The following GPATCH2L variants were observed in gnomAD, a reference collection of about 807,000 sequenced individuals.
GPATCH2L encodes G patch domain-containing protein 2-like.
In GPATCH2L, 31 loss-of-function variants were observed where a neutral mutation model predicts 57.4. The observed-to-expected ratio is 0.54, with a 90% CI of 0.41 to 0.73. The LOEUF is 0.73. Ranked by LOEUF, GPATCH2L falls within the 30% of genes least tolerant of loss-of-function variation. The probability of loss-of-function intolerance (pLI) is 0.00; values close to 1 mark genes in which losing one functional copy is unlikely to be tolerated. For missense variants in GPATCH2L, 481 were observed against 599.9 expected (o/e 0.80, Z 2.07); for synonymous variants, 199 against 210.7 (o/e 0.94, Z 0.48).
chr14:76,177,401 G>C (rs531583812), intron 6 of GPATCH2L, among the ~76,000 whole-genome samples: 2 of 152,082 alleles, frequency 1.3e-5, no homozygotes, highest in South Asian at 4.2e-4. Flanking sequence ...AAGCCTGTAT[G>C]TAGCTACAGG....
intron 8 of GPATCH2L, among the ~76,000 whole-genome samples, chr14:76,186,684 A>G (rs1315086173): frequency 6.6e-6 from 1 of 152,144 alleles, no homozygotes; most frequent in African/African-American, 2.4e-5. Flanking sequence ...TTTGTCCTCT[A>G]TTGGAGGGTC....
chr14:76,205,850 G>T lies in GPATCH2L; in HGVS notation c.*3999G>T. 6.6e-6 allele frequency: 1 copy of T among 152,448 alleles called. No individual in the cohort carries two copies. Among genetic ancestry groups the T allele is most frequent in the African/African-American group, 2.4e-5 (1 of 41,580 alleles). 9.4% of individuals were successfully genotyped at this position (152,448 alleles called of 1,614,324 possible). ...TGATTTCAGGTCTTTGTTTCATTTT[G>T]GCTTCATTACTGTGATTCTGAGCCA... On this transcript the variant is annotated 3_prime_UTR_variant, in exon 10 of 10. Coordinates refer to ENST00000261530, the MANE Select transcript of GPATCH2L (RefSeq NM_017926.4).
At chr14:76,216,806 A>G (rs2040491841), downstream of GPATCH2L, among the ~76,000 whole-genome samples, 1 of 152,166 alleles carries the variant, frequency 6.6e-6, no homozygotes, top group Non-Finnish European at 1.5e-5. Context: ...CACAACTCTG[A>G]AAGTGTGGTA....
At position 76,171,978 on chromosome 14, in the gene GPATCH2L, C is replaced by G; in HGVS notation, c.863C>G (p.Ser288Ter). The G allele has an allele frequency of 6.2e-7, 1 of 1,612,750 alleles. No homozygotes were observed. The highest frequency in any genetic ancestry group is 1.3e-5 in the African/African-American group (1 of 74,972). The change falls in exon 4 of 10, where the codon TCA becomes TGA. Residue 288 changes from serine (S) to a stop codon, truncating the protein, a stop_gained. Coordinates refer to ENST00000261530, the MANE Select transcript of GPATCH2L (RefSeq NM_017926.4). LOFTEE classifies it high-confidence loss of function. ...ERMDSGLDKF[S>*]DSTFLLPSRP... The stretch of plus-strand genomic sequence containing the variant: ...ATGGATTCTGGATTGGATAAATTTT[C>G]AGATTCCACATTCCTTTTACCTTCT...
chr14:76,218,790 A>G (rs76314764), downstream of GPATCH2L, among the ~76,000 whole-genome samples: 3,366 of 152,134 alleles, frequency 0.022, 76 homozygotes, highest in South Asian at 0.078. Context: ...AGAACAGTTC[A>G]AAAATAGATC....
At chr14:76,187,440 T>G (rs892772942) in intron 8 of GPATCH2L, among the ~76,000 whole-genome samples, 1 of 152,132 alleles carries the variant, frequency 6.6e-6, no homozygotes, top group African/African-American at 2.4e-5. Context: ...GTGAATAGAT[T>G]AGTAATTAAG....
At chr14:76,227,583 T>C (rs1485408087) in intron 1 of GPATCH2L, among the ~76,000 whole-genome samples, 1 of 152,226 alleles carries the variant, frequency 6.6e-6, no homozygotes, top group Non-Finnish European at 1.5e-5. Context: ...TTGCAGGTCA[T>C]TTGTGAATTG....
intron 2 of GPATCH2L, among the ~76,000 whole-genome samples, chr14:76,165,864 A>G (rs1424798416): frequency 6.6e-6 from 1 of 152,236 alleles, no homozygotes; most frequent in Middle Eastern, 3.2e-3. Context: ...TGCATCTTCT[A>G]GAGTAGGTGA....
chr14:76,223,273 T>C (rs959205968), intron 1 of GPATCH2L, among the ~76,000 whole-genome samples: 4 of 152,184 alleles, frequency 2.6e-5, no homozygotes, highest in Non-Finnish European at 4.4e-5. Flanking sequence ...CAGTGAATTA[T>C]TTATTTTAGG....
At chr14:76,172,787 C>T (rs767764793) in intron 4 of GPATCH2L, among the ~76,000 whole-genome samples, 1 of 152,192 alleles carries the variant, frequency 6.6e-6, no homozygotes, top group Non-Finnish European at 1.5e-5. Context: ...ATCAGAATCA[C>T]ACTACGAGAT....
At chr14:76,191,304 A>G (rs1416485469) in intron 8 of GPATCH2L, among the ~76,000 whole-genome samples, 1 of 152,124 alleles carries the variant, frequency 6.6e-6, no homozygotes. Context: ...GGAAGTGGTC[A>G]ACCTCCTTAT....
At chr14:76,227,063 G>A (rs2040539129) in intron 1 of GPATCH2L, among the ~76,000 whole-genome samples, 1 of 152,206 alleles carries the variant, frequency 6.6e-6, no homozygotes, top group East Asian at 1.9e-4. Flanking sequence ...GCCTCAGCAG[G>A]AAGTATTGCA....
chr14:76,171,729 G>GA (rs60245346), intron 3 of GPATCH2L, 114 bp from the exon 4 acceptor site: 34,813 of 553,232 alleles, frequency 0.063, 4 homozygotes, highest in Middle Eastern at 0.076. Context: ...TCTCAAAAAG[G>GA]AAAAAAAAAA....
Position 76,173,606 on chromosome 14 carries a change from G to T in GPATCH2L, c.965G>T (p.Arg322Leu). 1.2e-6 allele frequency: 2 copies of T among 1,609,554 alleles called. No homozygotes were observed. The highest frequency in any genetic ancestry group is 1.7e-6 in the Non-Finnish European group (2 of 1,175,844). ...GCAGCTCGATGCCTCAGAAAGGGGC[G>T]AAGAAGGCTGGTTGGGAAGGTGATA... ...GAAARCLRKG[R>L]RRLVGKETSI... The change falls in exon 5 of 10, where the codon CGA becomes CTA. Residue 322 changes from arginine to leucine, a missense_variant. Physicochemically the swap from Arg to Leu is moderately radical, Grantham distance 102 (BLOSUM62 -2). This residue lies in a region of GPATCH2L where 248 missense variants were observed against 270.5 expected (regional missense o/e 0.92). Transcript: ENST00000261530.
chr14:76,175,834 C>G (rs1010660658), intron 5 of GPATCH2L: 2 of 152,142 alleles, frequency 1.3e-5, no homozygotes, highest in Non-Finnish European at 2.9e-5. Context: ...CATTCACGCC[C>G]GTGACTTGTG....
intron 3 of GPATCH2L, 131 bp downstream of exon 3, chr14:76,166,858 G>T (rs2038865620): frequency 1.4e-6 from 1 of 693,974 alleles, no homozygotes; most frequent in East Asian, 2.9e-5. Flanking sequence ...GCATATGAGA[G>T]TCACCTAGGG....
chr14:76,228,935 T>C (rs1030071755), intron 1 of GPATCH2L, among the ~76,000 whole-genome samples: 7 of 152,212 alleles, frequency 4.6e-5, no homozygotes, highest in African/African-American at 1.7e-4. Flanking sequence ...TAACAGGGAA[T>C]AATCAATGAT....
chr14:76,172,051 T>G, intron 4 of GPATCH2L, 32 bp downstream of exon 4: 1 of 1,453,396 alleles, frequency 6.9e-7, no homozygotes, highest in Non-Finnish European at 9.4e-7. Flanking sequence ...AACTTAATGC[T>G]TTTATGGTTC....
intron 2 of GPATCH2L, among the ~76,000 whole-genome samples, chr14:76,162,507 G>A (rs1401430141): frequency 6.6e-6 from 1 of 152,168 alleles, no homozygotes; most frequent in Non-Finnish European, 1.5e-5. Flanking sequence ...GTACTACACC[G>A]GGGTGTGCAT....
Sources: allele counts gnomAD v4.1 joint callset (sites outside exome capture counted in the v4.1 genomes callset), GRCh38; gene constraint gnomAD v4.1.1; regional missense constraint gnomAD v4.1.1; transcripts MANE v1.5; gene names NCBI Gene and HGNC (gene_info 2026-07-23, HGNC 2026-07-21).